ZNF592: variants seen among roughly 807,000 people sequenced by gnomAD.
ZNF592 encodes spinocerebellar ataxia, autosomal recessive 5.
A neutral mutation model predicts 80.3 loss-of-function variants in ZNF592; 11 were observed. The ratio of observed to expected loss-of-function variants is 0.14; its 90% CI spans 0.09 to 0.23. ZNF592 has a LOEUF of 0.23. Ranked by LOEUF, ZNF592 falls within the 10% of genes least tolerant of loss-of-function variation. The pLI, the probability that ZNF592 is intolerant of heterozygous loss-of-function variation, is 1.00. For missense variants in ZNF592, 1,420 were observed against 1,633.9 expected (o/e 0.87, Z 2.26); for synonymous variants, 646 against 640.3 (o/e 1.01, Z -0.13).
At chr15:84,789,627 A>G (rs1962685990) in intron 4 of ZNF592, among the ~76,000 whole-genome samples, 1 of 152,146 alleles carries the variant, frequency 6.6e-6, no homozygotes, top group Non-Finnish European at 1.5e-5. Context: ...TAGCCATCCT[A>G]GTGGGTTTGA....
At chr15:84,755,723 A>G (rs1378233162) in intron 1 of ZNF592, among the ~76,000 whole-genome samples, 3 of 152,240 alleles carry the variant, frequency 2.0e-5, no homozygotes, top group Non-Finnish European at 2.9e-5. Flanking sequence ...CATTTTGGAG[A>G]CAAACATTGA....
chr15:84,750,157 G>A (rs1898972597), intron 1 of ZNF592, among the ~76,000 whole-genome samples: 1 of 152,208 alleles, frequency 6.6e-6, no homozygotes, highest in African/African-American at 2.4e-5. Flanking sequence ...TACAAAATTA[G>A]CCGGGTGTGG....
rs1391291289 is a variant in ZNF592, at chr15:84,797,937, G to T, written c.2468G>T (p.Cys823Phe). 1 of 1,614,130 alleles carries T rather than the reference G, an allele frequency of 6.2e-7. No individual in the cohort carries two copies. The highest frequency in any genetic ancestry group is 8.5e-7 in the Non-Finnish European group (1 of 1,180,058). The change falls in exon 6 of 11, where the codon TGC becomes TTC. Residue 823 changes from cysteine (C) to phenylalanine (F), a missense_variant. This residue lies in a region of ZNF592 where 13 missense variants were observed against 42.3 expected (regional missense o/e 0.31). Transcript: ENST00000560079. ...AAAAGCCACATCCAGGAGCGACACT[G>T]CCAGGTTTTCCACAAATGTGCATTC... ...LLKSHIQERH[C>F]QVFHKCAFCP...
chr15:84,790,326 G>A (rs943123706), intron 4 of ZNF592, among the ~76,000 whole-genome samples: 1 of 152,124 alleles, frequency 6.6e-6, no homozygotes, highest in Non-Finnish European at 1.5e-5. Context: ...CTACTGAGCT[G>A]TGACAGAGAC....
At chr15:84,756,779 C>G (rs1899184193) in intron 1 of ZNF592, among the ~76,000 whole-genome samples, 1 of 152,102 alleles carries the variant, frequency 6.6e-6, no homozygotes. Flanking sequence ...ATTGCCCTGG[C>G]TGGATTCGAA....
At position 84,778,330 on chromosome 15, in the gene ZNF592, G is replaced by A. The variant is rs1021680485; in HGVS notation, c.-20+18G>A. The stretch of plus-strand genomic sequence containing the variant: ...CCAGTCAGGTACACATGCAGAGGCT[G>A]GAGGAGGCGGTGTTTGATTTGCATA... On this transcript the variant is annotated intron_variant, in intron 3 of 10. Coordinates refer to ENST00000560079, the MANE Select transcript of ZNF592 (RefSeq NM_014630.3). 9.2e-5 allele frequency: 21 copies of A among 227,296 alleles called. No individual in the cohort carries two copies. The highest frequency in any genetic ancestry group is 6.4e-4 in the Admixed American group (11 of 17,322). The allele number at this position is 227,296 out of a possible 1,614,324, so 14.1% of individuals were successfully genotyped here.
At chr15:84,763,976 A>C (rs1899424899) in intron 1 of ZNF592, among the ~76,000 whole-genome samples, 1 of 152,192 alleles carries the variant, frequency 6.6e-6, no homozygotes, top group Admixed American at 6.5e-5. Context: ...GGGATCACCT[A>C]GTTTTTAAAA....
chr15:84,763,905 G>A (rs1899423281), intron 1 of ZNF592, among the ~76,000 whole-genome samples: 2 of 152,208 alleles, frequency 1.3e-5, no homozygotes, highest in Admixed American at 1.3e-4. Flanking sequence ...TAGAGGGGTA[G>A]TGGCCAAGTA....
intron 1 of ZNF592, among the ~76,000 whole-genome samples, chr15:84,761,077 C>T (rs992269548): frequency 6.6e-6 from 1 of 152,108 alleles, no homozygotes; most frequent in South Asian, 2.1e-4. Context: ...AATTCTCTTG[C>T]CTCAGCCTCC....
chr15:84,784,307 G>C lies in ZNF592; in HGVS notation c.1632G>C (p.Val544=), dbSNP rs1178268285. The part of the protein sequence containing the change: ...TQMSVPLVHQ[V]KKAAPLIVEV... ...TGTCGGTGCCCCTGGTCCACCAGGT[G>C]AAAAAGGCTGCCCCACTGATTGTAG... Residue 544 remains valine, a synonymous_variant, in exon 4 of 11, where the codon GTG becomes GTC. Coordinates refer to ENST00000560079, the MANE Select transcript of ZNF592 (RefSeq NM_014630.3). This position sits in a 1 kb window ranked among gnomAD's most constrained non-coding sequence, Gnocchi z 5.8. 8 of 1,614,226 alleles carry C rather than the reference G, an allele frequency of 5.0e-6. No homozygotes were observed. The highest frequency in any genetic ancestry group is 6.8e-6 in the Non-Finnish European group (8 of 1,180,038).
At chr15:84,765,723 G>C (rs1291904028) in intron 2 of ZNF592, among the ~76,000 whole-genome samples, 1 of 151,706 alleles carries the variant, frequency 6.6e-6, no homozygotes, top group East Asian at 1.9e-4. Context: ...ATTTTCAGTA[G>C]AGACGGGGTT....
At position 84,800,250 on chromosome 15, in the gene ZNF592, A is replaced by G. The variant is rs146532360; in HGVS notation, c.3273+273A>G. 8.5e-5 allele frequency among the ~76,000 whole-genome samples: 13 copies of G among 152,272 alleles called. 1 individual carries two copies. The East Asian group carries it at 1.7e-3, about 20-fold the overall frequency. On this transcript the variant is annotated intron_variant, in intron 10 of 10. Coordinates refer to ENST00000560079, the MANE Select transcript of ZNF592 (RefSeq NM_014630.3). Reference sequence around the variant, plus strand: ...TAGGGGTGTGCTGTGCTCTGTGGACATTGGTGCATTTTCACACATACCATT... The same window carrying G: ...TAGGGGTGTGCTGTGCTCTGTGGACGTTGGTGCATTTTCACACATACCATT...
At chr15:84,777,722 T>G (rs1482077575) in intron 2 of ZNF592, among the ~76,000 whole-genome samples, 1 of 124,354 alleles carries the variant, frequency 8.0e-6, no homozygotes, top group African/African-American at 3.1e-5. Flanking sequence ...TTTTTTGAGA[T>G]GGAGTCTAGC....
chr15:84,767,182 T>A (rs1383185189), intron 2 of ZNF592, among the ~76,000 whole-genome samples: 2 of 152,048 alleles, frequency 1.3e-5, no homozygotes, highest in South Asian at 2.1e-4. Flanking sequence ...TTTTTAGTAA[T>A]TTTTTTGTAT....
chr15:84,793,359 G>A (rs780398987), intron 5 of ZNF592, among the ~76,000 whole-genome samples: 1 of 152,210 alleles, frequency 6.6e-6, no homozygotes, highest in African/African-American at 2.4e-5. Context: ...CTACAGGCAT[G>A]AGCCACTGCA....
chr15:84,758,748 C>A (rs1487896812), intron 1 of ZNF592, among the ~76,000 whole-genome samples: 1 of 137,532 alleles, frequency 7.3e-6, no homozygotes, highest in African/African-American at 2.8e-5. Flanking sequence ...CCCATCGCTA[C>A]TGAAAATCCA....
intron 2 of ZNF592, among the ~76,000 whole-genome samples, chr15:84,766,840 G>A (rs11073702): frequency 0.5 from 75,690 of 151,564 alleles, 19,293 homozygotes; most frequent in East Asian, 0.81. Flanking sequence ...GGCAACCATA[G>A]GGATGCCTCT....
At chr15:84,755,124 A>ATTTTTT (rs34356102) in intron 1 of ZNF592, among the ~76,000 whole-genome samples, 2 of 115,606 alleles carry the variant, frequency 1.7e-5, no homozygotes, top group Non-Finnish European at 3.5e-5. Flanking sequence ...CACCCAGCTA[A>ATTTTTT]TTTTTTTTTT....
chr15:84,781,521 T>G (rs1962421295), intron 3 of ZNF592, among the ~76,000 whole-genome samples: 1 of 152,158 alleles, frequency 6.6e-6, no homozygotes, highest in Non-Finnish European at 1.5e-5. Flanking sequence ...TTAGGATAAA[T>G]TTCTGGAAGT....
Sources: gnomAD v4.1 joint callset for allele counts (sites outside exome capture counted in the v4.1 genomes callset) on GRCh38, gnomAD v4.1.1 for gene constraint, gnomAD v4.1.1 regional missense constraint, Gnocchi (gnomAD v3.1) non-coding constraint, MANE v1.5 for transcripts, NCBI Gene and HGNC (gene_info 2026-07-23, HGNC 2026-07-21) for gene names.